The following DNAI1 variants were observed in gnomAD, a reference collection of about 807,000 sequenced individuals.
DNAI1 encodes dynein axonemal intermediate chain 1, also known as dynein, axonemal, intermediate polypeptide 1.
Under a neutral mutation model 92.0 loss-of-function variants are expected in DNAI1, and 67 were observed. The ratio of observed to expected loss-of-function variants is 0.73; its 90% CI spans 0.60 to 0.89. The LOEUF is 0.89. DNAI1 is among the 40% of genes least tolerant of loss of function. The pLI, the probability that DNAI1 is intolerant of heterozygous loss-of-function variation, is 0.00. For missense variants in DNAI1, 839 were observed against 866.6 expected (o/e 0.97, Z 0.40); for synonymous variants, 323 against 319.6 (o/e 1.01, Z -0.11).
In DNAI1 at chr9:34,458,868, G is replaced by A. The variant is rs1040888048; in HGVS notation, c.-138G>A. ...CTGCAAGGGCACGGGGACCCACAACGACGGCTGTCCCTAAAGAACCGTTGC... is the reference window on the plus strand; with the variant it reads ...CTGCAAGGGCACGGGGACCCACAACAACGGCTGTCCCTAAAGAACCGTTGC... On this transcript the variant is annotated 5_prime_UTR_variant, in exon 1 of 20. Transcript: ENST00000242317. The surrounding 1 kb of genome is among the most constrained non-coding windows in gnomAD (Gnocchi z 6.6). 5.2e-6 allele frequency: 4 copies of A among 770,976 alleles called. No individual in the cohort carries two copies. The highest frequency in any genetic ancestry group is 9.2e-6 in the Non-Finnish European group (4 of 432,772). 47.8% of individuals were successfully genotyped at this position (770,976 alleles called of 1,614,324 possible).
chr9:34,509,920 A>G (rs1395941514), intron 13 of DNAI1, among the ~76,000 whole-genome samples: 1 of 152,124 alleles, frequency 6.6e-6, no homozygotes, highest in Non-Finnish European at 1.5e-5. Flanking sequence ...AAAAAAGAAA[A>G]AAAAGAAAAA....
chr9:34,515,805 G>A (rs551116352), intron 18 of DNAI1, among the ~76,000 whole-genome samples: 72 of 152,310 alleles, frequency 4.7e-4, no homozygotes, highest in African/African-American at 1.7e-3. Flanking sequence ...AAGTCAATTT[G>A]TGTGGCCTAG....
intron 10 of DNAI1, among the ~76,000 whole-genome samples, chr9:34,500,489 C>T (rs1311077650): frequency 6.6e-6 from 1 of 152,168 alleles, no homozygotes; most frequent in African/African-American, 2.4e-5. Flanking sequence ...ACGACAGTAA[C>T]AATGGCTAAC....
intron 13 of DNAI1, among the ~76,000 whole-genome samples, chr9:34,511,725 G>C (rs560167076): frequency 1.3e-5 from 2 of 152,248 alleles, no homozygotes; most frequent in African/African-American, 4.8e-5. Flanking sequence ...CTGGTTGATG[G>C]GCCCTGTTCT....
At chr9:34,500,868 A>G in intron 11 of DNAI1, 29 bp downstream of exon 11, 1 of 1,570,598 alleles carries the variant, frequency 6.4e-7, no homozygotes, top group Non-Finnish European at 8.8e-7. Context: ...GCAAATGCAG[A>G]GCCCCTGAGT....
intron 13 of DNAI1, among the ~76,000 whole-genome samples, chr9:34,508,200 A>C (rs549115164): frequency 6.6e-6 from 1 of 152,198 alleles, no homozygotes; most frequent in African/African-American, 2.4e-5. Flanking sequence ...GGCAAGTTCT[A>C]CACTCCTGCC....
At chr9:34,492,511 T>TAGATATAG (rs1564033919) in intron 8 of DNAI1, among the ~76,000 whole-genome samples, 5 of 109,204 alleles carry the variant, frequency 4.6e-5, no homozygotes, top group African/African-American at 1.3e-4. Flanking sequence ...TATATATATA[T>TAGATATAG]ATATATATAT....
chr9:34,469,411 A>G (rs1824099174), intron 1 of DNAI1, among the ~76,000 whole-genome samples: 1 of 150,172 alleles, frequency 6.7e-6, no homozygotes, highest in African/African-American at 2.5e-5. Context: ...GACCACAGGC[A>G]TGCACCACTA....
At chr9:34,489,807 C>T (rs1824546832) in intron 5 of DNAI1, among the ~76,000 whole-genome samples, 1 of 152,052 alleles carries the variant, frequency 6.6e-6, no homozygotes, top group Non-Finnish European at 1.5e-5. Flanking sequence ...CGAGATTGTG[C>T]CACCACTGCA....
intron 12 of DNAI1, 98 bp downstream of exon 12, chr9:34,501,279 G>C (rs1173400626): frequency 5.8e-6 from 6 of 1,039,538 alleles, no homozygotes; most frequent in Non-Finnish European, 9.1e-6. Flanking sequence ...GAAATACAAA[G>C]ATGACTGCCC....
chr9:34,487,351 A>G (rs922596171), intron 4 of DNAI1, among the ~76,000 whole-genome samples: 3 of 151,816 alleles, frequency 2.0e-5, no homozygotes, highest in African/African-American at 7.3e-5. Context: ...ACACCCGGCT[A>G]ATTTTTTGTA....
At chr9:34,461,370 T>A (rs989446941) in intron 1 of DNAI1, among the ~76,000 whole-genome samples, 6 of 152,256 alleles carry the variant, frequency 3.9e-5, no homozygotes, top group Non-Finnish European at 1.5e-5. Context: ...TTAACAAATT[T>A]ACACACGTAT....
In DNAI1 at chr9:34,484,104, A is replaced by C. The variant is rs372121325; in HGVS notation, c.81+624A>C. ...GTGGTGCATGCCTGTAGTCCCAACTATTTGGGAGGCCGAGGCAAGAGAATT... is the reference window on the plus strand; with the variant it reads ...GTGGTGCATGCCTGTAGTCCCAACTCTTTGGGAGGCCGAGGCAAGAGAATT... On this transcript the variant is annotated intron_variant, in intron 2 of 19. Transcript: ENST00000242317. Among the ~76,000 whole-genome samples, 3 of 152,200 alleles carry C rather than the reference A, an allele frequency of 2.0e-5. No homozygotes were observed. In the East Asian group the frequency reaches 5.8e-4, roughly 29 times the overall value.
intron 13 of DNAI1, 31 bp from the exon 14 acceptor site, chr9:34,512,078 G>A (rs1176855192): frequency 6.2e-7 from 1 of 1,605,806 alleles, no homozygotes; most frequent in Admixed American, 1.7e-5. Context: ...CTTTAGCAGG[G>A]TCCCAGAGCT....
chr9:34,494,872 G>A (rs1824684970), intron 9 of DNAI1, among the ~76,000 whole-genome samples: 1 of 152,170 alleles, frequency 6.6e-6, no homozygotes, highest in Non-Finnish European at 1.5e-5. Flanking sequence ...GCAATAATTA[G>A]AAATCCCAAG....
chr9:34,462,114 A>G (rs1823961642), intron 1 of DNAI1, among the ~76,000 whole-genome samples: 1 of 152,174 alleles, frequency 6.6e-6, no homozygotes, highest in Non-Finnish European at 1.5e-5. Flanking sequence ...TGCTTTCAGG[A>G]TAAAGTCCCA....
chr9:34,487,369 T>C (rs1824494678), intron 4 of DNAI1, among the ~76,000 whole-genome samples: 1 of 152,014 alleles, frequency 6.6e-6, no homozygotes, highest in Non-Finnish European at 1.5e-5. Flanking sequence ...GTATTTTTAG[T>C]GGAGACTGGG....
chr9:34,514,430 T>C lies in DNAI1; in HGVS notation c.1606T>C (p.Tyr536His). Residue 536 changes from tyrosine to histidine, a missense_variant, in exon 17 of 20, where the codon TAT becomes CAT. Transcript: ENST00000242317. Reference protein sequence around the residue: ...KSYSSQFLDTYDAHNMSVDTV... With the variant: ...KSYSSQFLDTHDAHNMSVDTV... ...CTACTCCAGCCAATTCCTCGACACC[T>C]ATGACGCCCACAACATGTCAGTGGA... 1 of 1,614,198 alleles carries C rather than the reference T, an allele frequency of 6.2e-7. No individual in the cohort carries two copies. The highest frequency in any genetic ancestry group is 8.5e-7 in the Non-Finnish European group (1 of 1,180,038).
At chr9:34,481,785 C>T (rs1355816537) in intron 1 of DNAI1, among the ~76,000 whole-genome samples, 1 of 152,174 alleles carries the variant, frequency 6.6e-6, no homozygotes, top group African/African-American at 2.4e-5. Flanking sequence ...AGGAGTGAAG[C>T]TGCAGATCTT....
Sources: gnomAD v4.1 joint callset for allele counts (sites outside exome capture counted in the v4.1 genomes callset) on GRCh38, gnomAD v4.1.1 for gene constraint, Gnocchi (gnomAD v3.1) non-coding constraint, MANE v1.5 for transcripts, NCBI Gene and HGNC (gene_info 2026-07-23, HGNC 2026-07-21) for gene names.